AFG1L: variants seen among roughly 807,000 people sequenced by gnomAD.
AFG1L encodes the protein AFG1-like ATPase.
Under a neutral mutation model 62.2 loss-of-function variants are expected in AFG1L, and 53 were observed. The ratio of observed to expected loss-of-function variants is 0.85; its 90% CI spans 0.68 to 1.07. AFG1L has a LOEUF of 1.07. AFG1L is among the 50% of genes least tolerant of loss of function. The pLI, the probability that AFG1L is intolerant of heterozygous loss-of-function variation, is 0.00. For synonymous variants in AFG1L, 228 were observed against 210.3 expected, an observed-to-expected ratio of 1.08 and a Z score of -0.73; for missense variants, 555 against 590.5, an observed-to-expected ratio of 0.94 and a Z score of 0.62.
intron 7 of AFG1L, among the ~76,000 whole-genome samples, chr6:108,412,658 C>T (rs1295871543): frequency 6.6e-6 from 1 of 152,110 alleles, no homozygotes; most frequent in Non-Finnish European, 1.5e-5. Context: ...TTATATCCAG[C>T]CAAACTAAGC....
intron 6 of AFG1L, among the ~76,000 whole-genome samples, chr6:108,380,087 G>A (rs1780431607): frequency 1.3e-5 from 2 of 151,882 alleles, no homozygotes; most frequent in Admixed American, 1.3e-4. Context: ...GCTGGAACGT[G>A]CACGCAGGTG....
intron 1 of AFG1L, among the ~76,000 whole-genome samples, chr6:108,306,969 TTTA>T (rs1164849130): frequency 1.3e-5 from 2 of 152,184 alleles, no homozygotes; most frequent in Non-Finnish European, 2.9e-5. Context: ...TTGTATTTGA[TTTA>T]TTATTTTTTC....
chr6:108,440,743 C>T lies in AFG1L; in HGVS notation c.808-6471C>T, dbSNP rs543706192. Among the ~76,000 whole-genome samples the T allele has an allele frequency of 4.6e-5, 7 of 150,778 alleles. No individual in the cohort carries two copies. In the East Asian group the frequency reaches 5.9e-4, roughly 13 times the overall value. ...GCTGAGGCAGGGAGAATTGCTTGAA[C>T]GCAGGAAGCAGAGGTTGCAGTGAGC... On this transcript the variant is annotated intron_variant, in intron 7 of 12. Transcript: ENST00000368977.
At chr6:108,415,240 A>G (rs913109611) in intron 7 of AFG1L, among the ~76,000 whole-genome samples, 4 of 152,200 alleles carry the variant, frequency 2.6e-5, no homozygotes, top group Non-Finnish European at 5.9e-5. Context: ...CTTCAAGGAG[A>G]ACTGCAAACC....
intron 10 of AFG1L, among the ~76,000 whole-genome samples, chr6:108,478,926 CTT>C (rs1158471082): frequency 6.6e-6 from 1 of 152,134 alleles, no homozygotes; most frequent in Non-Finnish European, 1.5e-5. Context: ...TTGATTGAGA[CTT>C]TATCTTGAAA....
At chr6:108,477,945 A>G (rs1170508859) in intron 10 of AFG1L, among the ~76,000 whole-genome samples, 1 of 152,244 alleles carries the variant, frequency 6.6e-6, no homozygotes, top group Non-Finnish European at 1.5e-5. Flanking sequence ...CAATGTATTT[A>G]TTGATTGCAA....
Position 108,454,890 on chromosome 6 carries a change from C to T in AFG1L, c.890+7594C>T, listed in dbSNP as rs59781875. On this transcript the variant is annotated intron_variant, in intron 8 of 12. Transcript: ENST00000368977. ...CTGGTTTCAAGCAGTCCGCCTGCCT[C>T]GGCCTCCCAAAGTGCTGGGATTACA... Among the ~76,000 whole-genome samples the T allele has an allele frequency of 4.9e-3, 749 of 152,190 alleles. 3 individuals are homozygous for T. The highest frequency in any genetic ancestry group is 0.017 in the African/African-American group (721 of 41,518).
At chr6:108,476,576 T>TAATA (rs1773113555) in intron 8 of AFG1L, among the ~76,000 whole-genome samples, 1 of 152,228 alleles carries the variant, frequency 6.6e-6, no homozygotes. Flanking sequence ...GAAGCTTTCT[T>TAATA]CTCATTGTGT....
At chr6:108,313,046 C>G (rs536321649) in intron 1 of AFG1L, among the ~76,000 whole-genome samples, 5 of 152,166 alleles carry the variant, frequency 3.3e-5, no homozygotes, top group African/African-American at 1.2e-4. Flanking sequence ...TGAAGAGTAT[C>G]GGGGAAGACT....
chr6:108,355,897 A>G, intron 4 of AFG1L, 142 bp downstream of exon 4: 1 of 653,496 alleles, frequency 1.5e-6, no homozygotes, highest in South Asian at 1.9e-5. Context: ...GTTTTGTGCT[A>G]TGTTGAAACA....
chr6:108,510,122 A>G (rs912611001), intron 10 of AFG1L, 90 bp from the exon 11 acceptor site: 8 of 946,764 alleles, frequency 8.4e-6, no homozygotes, highest in Non-Finnish European at 1.2e-5. Flanking sequence ...TCACACCATG[A>G]CAAGAAAGAG....
intron 2 of AFG1L, among the ~76,000 whole-genome samples, chr6:108,326,540 A>G (rs770968102): frequency 5.9e-4 from 90 of 152,220 alleles, no homozygotes; most frequent in Non-Finnish European, 1.1e-3. Flanking sequence ...GAGTTAAAAT[A>G]TGGTCCAACC....
chr6:108,319,163 A>C (rs150476125), intron 1 of AFG1L, among the ~76,000 whole-genome samples: 1 of 152,250 alleles, frequency 6.6e-6, no homozygotes, highest in Non-Finnish European at 1.5e-5. Context: ...CTCCAAAGGC[A>C]GATGCCAAGA....
At chr6:108,414,629 A>G (rs752180486) in intron 7 of AFG1L, among the ~76,000 whole-genome samples, 28 of 152,198 alleles carry the variant, frequency 1.8e-4, no homozygotes, top group African/African-American at 6.5e-4. Flanking sequence ...ACACAAATCA[A>G]TAAAAGTAAT....
At chr6:108,351,376 G>A (rs1023062865) in intron 3 of AFG1L, among the ~76,000 whole-genome samples, 9 of 152,110 alleles carry the variant, frequency 5.9e-5, no homozygotes, top group African/African-American at 9.7e-5. Flanking sequence ...CATTATATGC[G>A]TTACTGTTTA....
intron 1 of AFG1L, among the ~76,000 whole-genome samples, chr6:108,321,746 G>T (rs1469732920): frequency 1.3e-5 from 2 of 152,150 alleles, no homozygotes; most frequent in Non-Finnish European, 2.9e-5. Flanking sequence ...GTACTGTGAG[G>T]CCTAGTGTTC....
intron 2 of AFG1L, among the ~76,000 whole-genome samples, chr6:108,339,636 T>C (rs1431830326): frequency 2.0e-5 from 3 of 152,064 alleles, no homozygotes; most frequent in Admixed American, 2.0e-4. Flanking sequence ...ATTTTTGTAT[T>C]TTTAGTAGAA....
intron 6 of AFG1L, among the ~76,000 whole-genome samples, chr6:108,381,995 C>CTTTTTTTTTTTTTTTTTTTTTTTTTTTTT (rs1227478281): frequency 1.4e-5 from 2 of 138,212 alleles, no homozygotes; most frequent in African/African-American, 5.7e-5. Flanking sequence ...TTTTTATTCA[C>CTTTTTTTTTTTTTTTTTTTTTTTTTTTTT]TGTTTTTTTT....
intron 10 of AFG1L, among the ~76,000 whole-genome samples, chr6:108,505,201 C>T (rs1420828587): frequency 6.6e-6 from 1 of 151,332 alleles, no homozygotes; most frequent in Non-Finnish European, 1.5e-5. Context: ...TCAAGCGATT[C>T]TCCTGCCTCA....
Sources: gnomAD v4.1 joint callset for allele counts (sites outside exome capture counted in the v4.1 genomes callset) on GRCh38, gnomAD v4.1.1 for gene constraint, MANE v1.5 for transcripts, NCBI Gene and HGNC (gene_info 2026-07-23, HGNC 2026-07-21) for gene names.